The following CCDC30 variants were observed in gnomAD, a reference collection of about 807,000 sequenced individuals.
The protein encoded by CCDC30 is coiled-coil domain containing 30, also known as coiled-coil domain-containing protein 30.
In CCDC30, 70 loss-of-function variants were observed where a neutral mutation model predicts 100.2. The ratio of observed to expected loss-of-function variants is 0.70; its 90% CI spans 0.58 to 0.85. The LOEUF (loss-of-function observed/expected upper bound fraction) is 0.85, where lower values mean the gene tolerates loss of function less well. Ranked by LOEUF, CCDC30 falls within the 40% of genes least tolerant of loss-of-function variation. The probability of loss-of-function intolerance (pLI) is 0.00; values close to 1 mark genes in which losing one functional copy is unlikely to be tolerated. For synonymous variants in CCDC30, 233 were observed against 269.5 expected, an observed-to-expected ratio of 0.86 and a Z score of 1.33; for missense variants, 652 against 771.2, an observed-to-expected ratio of 0.85 and a Z score of 1.83.
intron 15 of CCDC30, among the ~76,000 whole-genome samples, chr1:42,650,870 C>T (rs1014749801): frequency 6.6e-6 from 1 of 152,136 alleles, no homozygotes; most frequent in African/African-American, 2.4e-5. Flanking sequence ...TTAAGCAATG[C>T]TTCTGCCTTG....
At chr1:42,620,545 GCA>G (rs2148656591) in intron 11 of CCDC30, among the ~76,000 whole-genome samples, 1 of 149,692 alleles carries the variant, frequency 6.7e-6, no homozygotes, top group South Asian at 2.1e-4. Context: ...ATCAGGCAGA[GCA>G]CAGTTATTCA....
intron 9 of CCDC30, among the ~76,000 whole-genome samples, chr1:42,582,247 C>G (rs1244226555): frequency 6.6e-6 from 1 of 152,032 alleles, no homozygotes; most frequent in Non-Finnish European, 1.5e-5. Context: ...AACTTTATTT[C>G]TCAACATAAG....
At chr1:42,508,418 A>C (rs1401121062) in intron 6 of CCDC30, among the ~76,000 whole-genome samples, 1 of 152,166 alleles carries the variant, frequency 6.6e-6, no homozygotes, top group East Asian at 1.9e-4. Context: ...AGCCAACAGC[A>C]TGCTTCTCTG....
At chr1:42,456,362 T>TC in the CCDC30 span, 1 of 643,782 alleles carries the variant, frequency 1.6e-6, no homozygotes, top group East Asian at 2.9e-5. Context: ...CAGCCGGGGA[T>TC]CCCCCTCGTT....
In CCDC30 at chr1:42,520,047, T is replaced by C. The variant is rs182063150; in HGVS notation, c.456+21131T>C. 3.9e-5 allele frequency among the ~76,000 whole-genome samples: 6 copies of C among 152,290 alleles called. No homozygotes were observed. In the East Asian group the frequency reaches 1.2e-3, roughly 29 times the overall value. On this transcript the variant is annotated intron_variant, in intron 6 of 16. Transcript: ENST00000668663. ...AAAGATTTGTCAATTTTGTTGATCT[T>C]TTCAAAGAACAAAGCTTTTTGTATA... is the stretch of plus-strand genomic sequence containing the variant.
At chr1:42,539,368 G>T in intron 6 of CCDC30, 58 bp downstream of exon 8, 3 of 1,427,468 alleles carry the variant, frequency 2.1e-6, no homozygotes, top group Non-Finnish European at 1.9e-6. Context: ...TATGAGGATA[G>T]GTTAAAAGGA....
chr1:42,492,393 G>C, intron 4 of CCDC30: 1 of 195,822 alleles, frequency 5.1e-6, no homozygotes, highest in Non-Finnish European at 1.0e-5. Context: ...TTTGATTTGG[G>C]AAAATTCATG....
At chr1:42,519,288 T>A (rs113779517) in intron 6 of CCDC30, among the ~76,000 whole-genome samples, 1 of 152,202 alleles carries the variant, frequency 6.6e-6, no homozygotes, top group Non-Finnish European at 1.5e-5. Context: ...AGAGTAATTA[T>A]GTCCTCTTCA....
intron 7 of CCDC30, 45 bp from the exon 12 acceptor site, chr1:42,576,975 A>T: frequency 1.4e-6 from 2 of 1,423,550 alleles, no homozygotes; most frequent in South Asian, 1.2e-5. Flanking sequence ...GTTCACATTC[A>T]TTCCACACTT....
At chr1:42,506,275 C>A (rs1303655808) in intron 6 of CCDC30, among the ~76,000 whole-genome samples, 1 of 152,212 alleles carries the variant, frequency 6.6e-6, no homozygotes, top group East Asian at 1.9e-4. Context: ...ATGAACATTT[C>A]AGCTCCTCAT....
At position 42,627,790 on chromosome 1, in the gene CCDC30, C is replaced by G. The variant is rs150935686; in HGVS notation, c.1278-9447C>G. Among the ~76,000 whole-genome samples, 660 of 152,324 alleles carry G rather than the reference C, an allele frequency of 4.3e-3. 5 individuals carry two copies. Among genetic ancestry groups the G allele is most frequent in the South Asian group, 0.032 (154 of 4,830 alleles). On this transcript the variant is annotated intron_variant, in intron 11 of 16. Coordinates refer to ENST00000668663, the Ensembl canonical transcript of CCDC30. Reference sequence around the variant, plus strand: ...AAGTCAAGAATTCAGGTTTAGGAACCTCCACCTAGATTTCAGAAAATGTAT... The same window carrying G: ...AAGTCAAGAATTCAGGTTTAGGAACGTCCACCTAGATTTCAGAAAATGTAT...
At chr1:42,456,564 A>C in the CCDC30 span, 11 of 1,473,658 alleles carry the variant, frequency 7.5e-6, no homozygotes, top group South Asian at 4.2e-5. Flanking sequence ...GCTGCGCTGC[A>C]GATGGCGGAA....
intron 1 of CCDC30, among the ~76,000 whole-genome samples, chr1:42,466,475 T>G (rs920094986): frequency 2.6e-5 from 4 of 152,196 alleles, no homozygotes; most frequent in Non-Finnish European, 5.9e-5. Flanking sequence ...TTCCAGAGAT[T>G]GGATTTTTAA....
At chr1:42,621,482 A>T (rs1013229368) in intron 11 of CCDC30, among the ~76,000 whole-genome samples, 20 of 140,834 alleles carry the variant, frequency 1.4e-4, no homozygotes, top group African/African-American at 4.8e-4. Flanking sequence ...CACCTGGCTA[A>T]TTTTGTTTAT....
At chr1:42,523,553 T>C (rs888710605) in intron 6 of CCDC30, among the ~76,000 whole-genome samples, 7 of 152,226 alleles carry the variant, frequency 4.6e-5, no homozygotes, top group Admixed American at 3.9e-4. Context: ...TTGATTATAA[T>C]GTGTCTTGGT....
At chr1:42,598,894 C>A (rs1346549411) in intron 10 of CCDC30, among the ~76,000 whole-genome samples, 2 of 152,026 alleles carry the variant, frequency 1.3e-5, no homozygotes, top group Non-Finnish European at 2.9e-5. Context: ...GACTCTGTCT[C>A]AACAACAACA....
At chr1:42,545,370 T>C (rs1645107736) in intron 6 of CCDC30, 40 bp from the exon 9 acceptor site, 1 of 1,482,602 alleles carries the variant, frequency 6.7e-7, no homozygotes, top group Admixed American at 2.5e-5. Context: ...TAAATAAAAG[T>C]ATGCAAAATA....
intron 6 of CCDC30, among the ~76,000 whole-genome samples, chr1:42,518,443 G>A (rs1343384196): frequency 2.0e-5 from 3 of 152,142 alleles, no homozygotes; most frequent in Non-Finnish European, 4.4e-5. Context: ...GACTACATTT[G>A]TGACAGTAGT....
intron 6 of CCDC30, among the ~76,000 whole-genome samples, chr1:42,559,621 C>T (rs1645445451): frequency 6.6e-6 from 1 of 152,154 alleles, no homozygotes; most frequent in Non-Finnish European, 1.5e-5. Flanking sequence ...TCAACCAATA[C>T]AGGAGCACCC....
Sources: allele counts gnomAD v4.1 joint callset (sites outside exome capture counted in the v4.1 genomes callset), GRCh38; gene constraint gnomAD v4.1.1; transcripts MANE v1.5; gene names NCBI Gene and HGNC (gene_info 2026-07-23, HGNC 2026-07-21).